Variants in IL1RAPL1 observed in about 807,000 individuals in gnomAD.
IL1RAPL1 encodes interleukin 1 receptor accessory protein like 1.
A neutral mutation model predicts 48.4 loss-of-function variants in IL1RAPL1; 3 were observed. The ratio of observed to expected loss-of-function variants is 0.06; its 90% CI spans 0.03 to 0.16. The LOEUF (loss-of-function observed/expected upper bound fraction) is 0.16, where lower values mean the gene tolerates loss of function less well. Among genes scored for constraint, IL1RAPL1 ranks in the 10% least tolerant of loss-of-function variants. IL1RAPL1 has a pLI of 1.00. For missense variants in IL1RAPL1, 349 were observed against 530.6 expected (o/e 0.66, Z 3.36); for synonymous variants, 185 against 187.7 (o/e 0.99, Z 0.12).
intron 5 of IL1RAPL1, among the ~76,000 whole-genome samples, chrX:29,535,547 T>A (rs1921203157): frequency 8.9e-6 from 1 of 111,871 alleles, no homozygotes; most frequent in African/African-American, 3.3e-5. Context: ...TCCTGTAAAT[T>A]GTTGGAAATT....
intron 3 of IL1RAPL1, among the ~76,000 whole-genome samples, chrX:29,322,787 G>A (rs899463601): frequency 2.7e-5 from 3 of 110,716 alleles, no homozygotes; most frequent in African/African-American, 9.9e-5. Context: ...ACCAGAGTTC[G>A]AGAACAGGAA....
intron 3 of IL1RAPL1, among the ~76,000 whole-genome samples, chrX:29,322,527 A>G (rs1026439465): frequency 9.8e-5 from 11 of 112,084 alleles, no homozygotes; most frequent in African/African-American, 3.2e-4. Flanking sequence ...AGCCTCCCAA[A>G]GTGCTGGGAT....
chrX:29,921,755 A>T (rs1932849728), intron 8 of IL1RAPL1, among the ~76,000 whole-genome samples: 1 of 111,796 alleles, frequency 8.9e-6, no homozygotes, highest in Non-Finnish European at 1.9e-5. Context: ...ATCCGTTAGA[A>T]AGCATTTCAC....
intron 2 of IL1RAPL1, among the ~76,000 whole-genome samples, chrX:28,812,371 G>T (rs1936802402): frequency 9.0e-6 from 1 of 110,533 alleles, no homozygotes; most frequent in East Asian, 2.8e-4. Context: ...TCTGAATATT[G>T]TAAAATATGT....
chrX:29,437,196 T>C (rs758538311), intron 5 of IL1RAPL1, among the ~76,000 whole-genome samples: 1 of 110,948 alleles, frequency 9.0e-6, no homozygotes, highest in Admixed American at 9.6e-5. Context: ...TTTTAAATTT[T>C]ATAATTCTAT....
intron 6 of IL1RAPL1, among the ~76,000 whole-genome samples, chrX:29,825,249 T>C (rs192722020): frequency 9.0e-6 from 1 of 111,232 alleles, no homozygotes; most frequent in East Asian, 2.8e-4. Flanking sequence ...CATTCTTGCC[T>C]TTCTTCAGTT....
At chrX:29,619,685 A>G in intron 5 of IL1RAPL1, among the ~76,000 whole-genome samples, 1 of 111,806 alleles carries the variant, frequency 8.9e-6, no homozygotes. Flanking sequence ...CAATGCCACT[A>G]GAGCCAGTAG....
chrX:28,635,822 G>A (rs900047868), intron 1 of IL1RAPL1, among the ~76,000 whole-genome samples: 11 of 110,848 alleles, frequency 9.9e-5, no homozygotes, highest in African/African-American at 3.3e-4. Flanking sequence ...TGTGTAGCCC[G>A]GCAGGCATGG....
chrX:29,080,862 C>T (rs1186126028), intron 2 of IL1RAPL1, among the ~76,000 whole-genome samples: 2 of 107,583 alleles, frequency 1.9e-5, no homozygotes, highest in Non-Finnish European at 3.8e-5. Context: ...CCCACCTCAG[C>T]GTTTGTAGTG....
At chrX:29,209,502 G>A (rs1225853820) in intron 2 of IL1RAPL1, among the ~76,000 whole-genome samples, 35 of 111,720 alleles carry the variant, frequency 3.1e-4, no homozygotes, top group Non-Finnish European at 3.8e-5. Context: ...CATGAAAATT[G>A]GGAATAGCGA....
At chrX:29,404,203 A>G (rs147014735) in intron 5 of IL1RAPL1, among the ~76,000 whole-genome samples, 10 of 112,019 alleles carry the variant, frequency 8.9e-5, no homozygotes, top group African/African-American at 3.2e-4. Flanking sequence ...AAGACTCTAC[A>G]CTTCATATGT....
At chrX:29,167,319 T>C (rs1451944804) in intron 2 of IL1RAPL1, among the ~76,000 whole-genome samples, 1 of 109,495 alleles carries the variant, frequency 9.1e-6, no homozygotes, top group Non-Finnish European at 1.9e-5. Flanking sequence ...TCCCTTCCCT[T>C]CTTCCTTTCC....
chrX:29,769,132 A>G (rs1197596210), intron 6 of IL1RAPL1, among the ~76,000 whole-genome samples: 2 of 111,435 alleles, frequency 1.8e-5, no homozygotes, highest in East Asian at 5.6e-4. Context: ...CAGTCATACC[A>G]TATGTGACCT....
In IL1RAPL1 at chrX:29,701,886, A is replaced by C. The variant is rs778685732; in HGVS notation, c.778+33382A>C. 7.9e-4 allele frequency among the ~76,000 whole-genome samples: 89 copies of C among 111,971 alleles called. 1 individual carries two copies. The highest frequency in any genetic ancestry group is 7.1e-4 in the Non-Finnish European group (38 of 53,202). ...CTGAGGGCTAGAGGAAGGCAAGAGG[A>C]GTAAAAGAAAGCATGAGTGTTTCTC... On this transcript the variant is annotated intron_variant, in intron 6 of 10. Transcript: ENST00000378993.
chrX:28,829,440 C>G (rs1197010829), intron 2 of IL1RAPL1, among the ~76,000 whole-genome samples: 1 of 111,323 alleles, frequency 9.0e-6, no homozygotes, highest in Non-Finnish European at 1.9e-5. Context: ...TAGGATCCAG[C>G]CCTTTACCAT....
At chrX:29,003,779 T>C (rs1187107877) in intron 2 of IL1RAPL1, among the ~76,000 whole-genome samples, 1 of 112,318 alleles carries the variant, frequency 8.9e-6, no homozygotes, top group African/African-American at 3.2e-5. Flanking sequence ...ATAACACCTA[T>C]TAATTTGGTA....
intron 2 of IL1RAPL1, among the ~76,000 whole-genome samples, chrX:29,258,393 T>C (rs1468189284): frequency 1.8e-5 from 2 of 111,440 alleles, no homozygotes; most frequent in Non-Finnish European, 3.8e-5. Flanking sequence ...ATTAACAACA[T>C]GTTACCTTCG....
chrX:29,135,360 C>G (rs1415474974), intron 2 of IL1RAPL1, among the ~76,000 whole-genome samples: 1 of 111,983 alleles, frequency 8.9e-6, no homozygotes. Flanking sequence ...ACAGGTTTGA[C>G]TTATTTTGAT....
chrX:29,057,931 C>A (rs1183897282), intron 2 of IL1RAPL1, among the ~76,000 whole-genome samples: 2 of 111,577 alleles, frequency 1.8e-5, no homozygotes, highest in Non-Finnish European at 3.8e-5. Context: ...AAACCCTGTT[C>A]CCTATTTAAG....
Sources: gnomAD v4.1 joint callset for allele counts (sites outside exome capture counted in the v4.1 genomes callset) on GRCh38, gnomAD v4.1.1 for gene constraint, MANE v1.5 for transcripts, NCBI Gene and HGNC (gene_info 2026-07-23, HGNC 2026-07-21) for gene names.